Variants in MCUB observed in about 807,000 individuals in gnomAD.
MCUB encodes calcium uniporter regulatory subunit MCUb, mitochondrial.
In MCUB, 46 loss-of-function variants were observed where a neutral mutation model predicts 41.4. The observed-to-expected ratio is 1.11, with a 90% confidence interval of 0.88 to 1.42. MCUB has a LOEUF of 1.42. MCUB is among the 40% of genes most tolerant of loss of function. The pLI, the probability that MCUB is intolerant of heterozygous loss-of-function variation, is 0.00. For synonymous variants in MCUB, 148 were observed against 148.2 expected (o/e 1.00, Z 0.01); for missense variants, 403 against 404.9 (o/e 1.00, Z 0.04).
intron 1 of MCUB, among the ~76,000 whole-genome samples, chr4:109,642,184 C>A (rs1339280567): frequency 6.6e-6 from 1 of 152,114 alleles, no homozygotes; most frequent in Non-Finnish European, 1.5e-5. Flanking sequence ...TTTTGACAAG[C>A]AAATATTATG....
At chr4:109,643,992 C>T (rs898948527) in intron 1 of MCUB, among the ~76,000 whole-genome samples, 5 of 151,990 alleles carry the variant, frequency 3.3e-5, no homozygotes, top group African/African-American at 4.8e-5. Context: ...GGGGGAGCCT[C>T]GCTGAACCTA....
At chr4:109,572,010 G>A (rs1216793483) in intron 1 of MCUB, among the ~76,000 whole-genome samples, 4 of 152,202 alleles carry the variant, frequency 2.6e-5, no homozygotes, top group East Asian at 1.9e-4. Context: ...GTCCAGAAAC[G>A]GGGTAGTTTT....
At chr4:109,620,588 T>C (rs1728230968) in intron 1 of MCUB, among the ~76,000 whole-genome samples, 2 of 151,440 alleles carry the variant, frequency 1.3e-5, no homozygotes, top group African/African-American at 4.9e-5. Flanking sequence ...ATCTCATGAA[T>C]GTATAAATTA....
intron 1 of MCUB, among the ~76,000 whole-genome samples, chr4:109,625,692 G>T (rs908467087): frequency 6.6e-6 from 1 of 152,162 alleles, no homozygotes; most frequent in Non-Finnish European, 1.5e-5. Context: ...TGATCTCATG[G>T]AGTAGGGACT....
Position 109,598,322 on chromosome 4 carries a change from C to T in MCUB, c.99+37886C>T, listed in dbSNP as rs1037465715. ...GGGGCACCATTGAGCACTGAGTGAA[C>T]GAGACTCCGTCTGCAATCCCGGCAC... On this transcript the variant is annotated intron_variant, in intron 1 of 7. Coordinates refer to ENST00000394650, the MANE Select transcript of MCUB (RefSeq NM_017918.5). Among the ~76,000 whole-genome samples the T allele has an allele frequency of 9.9e-5, 15 of 152,094 alleles. 1 individual carries two copies. The highest frequency in any genetic ancestry group is 3.1e-4 in the African/African-American group (13 of 41,416).
intron 1 of MCUB, among the ~76,000 whole-genome samples, chr4:109,582,308 A>G (rs1327314837): frequency 7.0e-6 from 1 of 143,272 alleles, no homozygotes; most frequent in African/African-American, 2.6e-5. Flanking sequence ...GTTCTCACTC[A>G]TAGGTGGGAA....
intron 1 of MCUB, among the ~76,000 whole-genome samples, chr4:109,642,614 G>A (rs1004295209): frequency 4.6e-5 from 5 of 109,722 alleles, no homozygotes; most frequent in Non-Finnish European, 7.3e-5. Context: ...TTCACCCCAG[G>A]TTAAAAAGTT....
rs76778506 is a variant in MCUB at position 109,669,674 on chromosome 4, A to G, written c.451+5280A>G. ...ATGTTATTCATTTTGTGGCTGTCCT[A>G]AAGTTCTTAGATGTTCTGTTCTGGT... is the stretch of plus-strand genomic sequence containing the variant. On this transcript the variant is annotated intron_variant, in intron 4 of 7. Transcript: ENST00000394650. 3.6e-3 allele frequency among the ~76,000 whole-genome samples: 546 copies of G among 149,856 alleles called. 10 individuals carry two copies. The East Asian group carries it at 0.07, about 19-fold the overall frequency.
intron 6 of MCUB, 70 bp downstream of exon 6, chr4:109,684,716 C>CA (rs1434750247): frequency 1.4e-6 from 1 of 737,552 alleles, no homozygotes; most frequent in Non-Finnish European, 2.3e-6. Context: ...AAGCAATGAG[C>CA]AAAAAAGCCT....
intron 3 of MCUB, among the ~76,000 whole-genome samples, chr4:109,663,656 C>G (rs1449828821): frequency 6.6e-6 from 1 of 151,940 alleles, no homozygotes; most frequent in African/African-American, 2.4e-5. Context: ...TTTTAACCAC[C>G]ACAAATCAGT....
chr4:109,574,660 G>A (rs2126125367), intron 1 of MCUB, among the ~76,000 whole-genome samples: 1 of 152,284 alleles, frequency 6.6e-6, no homozygotes, highest in South Asian at 2.1e-4. Flanking sequence ...GAGAATTTGA[G>A]GGCATATACA....
At chr4:109,621,174 C>T (rs910751453) in intron 1 of MCUB, among the ~76,000 whole-genome samples, 1 of 152,178 alleles carries the variant, frequency 6.6e-6, no homozygotes, top group Admixed American at 6.5e-5. Flanking sequence ...GCTGGGATTA[C>T]AGGTGTGAGC....
chr4:109,595,528 T>C (rs1389282937), intron 1 of MCUB, among the ~76,000 whole-genome samples: 2 of 152,212 alleles, frequency 1.3e-5, no homozygotes, highest in African/African-American at 4.8e-5. Context: ...TGATGAGGTC[T>C]AGAGCATCAT....
At position 109,655,496 on chromosome 4, in the gene MCUB, A is replaced by G. The variant is rs114485105; in HGVS notation, c.100-3515A>G. On this transcript the variant is annotated intron_variant, in intron 1 of 7. Coordinates refer to ENST00000394650, the MANE Select transcript of MCUB (RefSeq NM_017918.5). ...TAGCAACCAGCCCCATCCTGAAGCC[A>G]TCTAGCATCCCACCAAGAGTTACCT... Among the ~76,000 whole-genome samples, 340 of 152,282 alleles carry G rather than the reference A, an allele frequency of 2.2e-3. 4 individuals carry two copies. The highest frequency in any genetic ancestry group is 3.8e-3 in the Non-Finnish European group (258 of 68,014).
intron 1 of MCUB, among the ~76,000 whole-genome samples, chr4:109,626,339 G>A (rs1031333830): frequency 3.3e-5 from 5 of 152,132 alleles, no homozygotes; most frequent in Admixed American, 6.5e-5. Flanking sequence ...AAAGAAGAGT[G>A]TAAAAGCCTT....
At chr4:109,600,064 G>A (rs955008277) in intron 1 of MCUB, among the ~76,000 whole-genome samples, 2 of 152,200 alleles carry the variant, frequency 1.3e-5, no homozygotes, top group Non-Finnish European at 2.9e-5. Context: ...TCAGAAAACT[G>A]TTTGTTGGAC....
chr4:109,574,091 G>A (rs964115572), intron 1 of MCUB, among the ~76,000 whole-genome samples: 1 of 151,860 alleles, frequency 6.6e-6, no homozygotes, highest in South Asian at 2.1e-4. Context: ...CCAGACTGGT[G>A]TTGAACTCCT....
chr4:109,679,141 A>G (rs373713470), intron 4 of MCUB, among the ~76,000 whole-genome samples: 1 of 150,412 alleles, frequency 6.6e-6, no homozygotes, highest in Non-Finnish European at 1.5e-5. Context: ...ATGGCCGGGC[A>G]GAGGTGCTCC....
At position 109,670,103 on chromosome 4, in the gene MCUB, A is replaced by G. The variant is rs1297186728; in HGVS notation, c.451+5709A>G. Among the ~76,000 whole-genome samples the G allele has an allele frequency of 3.3e-5, 5 of 152,314 alleles. No individual in the cohort carries two copies. The South Asian group carries it at 8.3e-4, about 25-fold the overall frequency. ...AATTTTATGTTAAAAGCTGGATGTG[A>G]TATACTGGATAAAGGGAACTGCAGT... On this transcript the variant is annotated intron_variant, in intron 4 of 7. Transcript: ENST00000394650.
Sources: gnomAD v4.1 joint callset for allele counts (sites outside exome capture counted in the v4.1 genomes callset) on GRCh38, gnomAD v4.1.1 for gene constraint, MANE v1.5 for transcripts, NCBI Gene and HGNC (gene_info 2026-07-23, HGNC 2026-07-21) for gene names.